KCNH3: variants seen among roughly 807,000 people sequenced by gnomAD.
KCNH3 encodes the protein voltage-gated inwardly rectifying potassium channel KCNH3.
In KCNH3, 36 loss-of-function variants were observed where a neutral mutation model predicts 95.6. The observed-to-expected ratio is 0.38, with a 90% CI of 0.29 to 0.50. KCNH3 has a LOEUF of 0.50. Among genes scored for constraint, KCNH3 ranks in the 20% least tolerant of loss-of-function variants. The pLI, the probability that KCNH3 is intolerant of heterozygous loss-of-function variation, is 0.95. For synonymous variants in KCNH3, 620 were observed against 646.3 expected (o/e 0.96, Z 0.62); for missense variants, 1,030 against 1,484.1 (o/e 0.69, Z 5.03).
chr12:49,544,173 A>C lies in KCNH3; in HGVS notation c.982-2A>C, dbSNP rs1592500060. 6.7e-7 allele frequency: 1 copy of C among 1,495,126 alleles called. No homozygotes were observed. The allele number at this position is 1,495,126 out of a possible 1,614,324, so 92.6% of individuals were successfully genotyped here. A position where few individuals can be genotyped will look rare whatever the true frequency, so the allele number is the denominator to read the frequency against. The stretch of plus-strand genomic sequence containing the variant: ...CTCCCTCCCTCCCTCCCCGCATCTC[A>C]GTACTTCGGGGCCCATCTGCTGAAG... On this transcript the variant is annotated splice_acceptor_variant, in intron 6 of 14. Coordinates refer to ENST00000257981, the MANE Select transcript of KCNH3 (RefSeq NM_012284.3). LOFTEE classifies it high-confidence loss of function.
chr12:49,556,503 T>C (rs748709099), intron 13 of KCNH3, 27 bp downstream of exon 13: 45 of 1,520,448 alleles, frequency 3.0e-5, no homozygotes, highest in Non-Finnish European at 3.9e-5. Flanking sequence ...ATGGTCTAGG[T>C]TGGTGGGGCA....
chr12:49,547,018 C>T, intron 7 of KCNH3, among the ~76,000 whole-genome samples: 1 of 148,362 alleles, frequency 6.7e-6, no homozygotes, highest in Admixed American at 6.6e-5. Context: ...CCTCAGTCTC[C>T]CGAGTAGCTG....
chr12:49,556,600 AC>A (rs1231196595), intron 13 of KCNH3, 124 bp downstream of exon 13: 1 of 750,550 alleles, frequency 1.3e-6, no homozygotes, highest in Non-Finnish European at 2.4e-6. Flanking sequence ...AGGCCGTCTC[AC>A]CCCACTACCC....
rs1466146754 is a variant in KCNH3 at position 49,544,838 on chromosome 12, TC to T, written c.1189+460del. On this transcript the variant is annotated intron_variant, in intron 7 of 14. Transcript: ENST00000257981. ...TTCTGTCATCTCTAGTCCACATTTCTCCCCGCTGCATCCTGCTCTCCCCTGG... is the reference window on the plus strand; with the variant it reads ...TTCTGTCATCTCTAGTCCACATTTCTCCCGCTGCATCCTGCTCTCCCCTGG... 1.3e-5 allele frequency among the ~76,000 whole-genome samples: 2 copies of T among 151,800 alleles called. 1 individual carries two copies. Among genetic ancestry groups the T allele is most frequent in the Middle Eastern group, 6.3e-3 (2 of 316 alleles).
chr12:49,544,468 C>A, intron 7 of KCNH3, 86 bp downstream of exon 7: 1 of 1,343,414 alleles, frequency 7.4e-7, no homozygotes, highest in Non-Finnish European at 1.0e-6. Context: ...TGTGTGGTGT[C>A]CCTACCTGTG....
At chr12:49,547,724 G>A (rs1041321582) in intron 7 of KCNH3, among the ~76,000 whole-genome samples, 11 of 152,294 alleles carry the variant, frequency 7.2e-5, no homozygotes, top group Non-Finnish European at 1.2e-4. Context: ...GGGAGAGTCT[G>A]GAGTAGGGGG....
chr12:49,543,211 T>C, intron 4 of KCNH3, 64 bp from the exon 5 acceptor site: 1 of 1,558,208 alleles, frequency 6.4e-7, no homozygotes, highest in South Asian at 1.2e-5. Context: ...TCCCAGACTC[T>C]ATCCAAACTC....
At chr12:49,550,900 C>T (rs1400343898) in intron 10 of KCNH3, among the ~76,000 whole-genome samples, 1 of 152,200 alleles carries the variant, frequency 6.6e-6, no homozygotes, top group Non-Finnish European at 1.5e-5. Context: ...GTTCCCTAGA[C>T]GCAGATGAAG....
Position 49,557,732 on chromosome 12 carries a change from G to A in KCNH3, c.3031G>A (p.Glu1011Lys). ...EPPASGDLCS[E>K]PSTPASPPPS... is the part of the protein sequence containing the mutation. ...CCCTGCCTCAGGAGACCTCTGCTCT[G>A]AGCCCAGCACCCCTGCCTCCCCTCC... Residue 1011 changes from glutamate to lysine, a missense_variant, in exon 15 of 15, where the codon GAG becomes AAG. Around this residue, in one of 9 missense-constraint regions of KCNH3, gnomAD observed 464 missense variants for 493.2 expected, o/e 0.94. Transcript: ENST00000257981. 6.2e-7 allele frequency: 1 copy of A among 1,613,666 alleles called. No homozygotes were observed. The highest frequency in any genetic ancestry group is 8.5e-7 in the Non-Finnish European group (1 of 1,179,940).
At chr12:49,556,156 T>C (rs966939474) in intron 12 of KCNH3, 3 of 597,836 alleles carry the variant, frequency 5.0e-6, no homozygotes, top group Non-Finnish European at 9.0e-6. Context: ...CACACGCTGC[T>C]CTGAACTCTT....
At chr12:49,551,574 CAAAAAAAA>C (rs59344956) in intron 10 of KCNH3, among the ~76,000 whole-genome samples, 2,079 of 57,642 alleles carry the variant, frequency 0.036, 50 homozygotes, top group African/African-American at 0.1. Flanking sequence ...GACTCTGTCT[CAAAAAAAA>C]AAAAAAAAAA....
chr12:49,556,680 C>T (rs1322099868), intron 13 of KCNH3: 1 of 699,368 alleles, frequency 1.4e-6, no homozygotes, highest in Admixed American at 2.0e-5. Flanking sequence ...CAGCCAGGAA[C>T]TGGGTTTATA....
intron 10 of KCNH3, 89 bp downstream of exon 10, chr12:49,550,418 C>A: frequency 6.8e-7 from 1 of 1,465,960 alleles, no homozygotes; most frequent in Non-Finnish European, 9.1e-7. Context: ...GGGACCTCCA[C>A]AAGGCCACTG....
chr12:49,554,404 G>A lies in KCNH3; in HGVS notation c.1986G>A (p.Val662=), dbSNP rs757717889. 1 of 1,613,130 alleles carries A rather than the reference G, an allele frequency of 6.2e-7. No homozygotes were observed. The highest frequency in any genetic ancestry group is 1.3e-5 in the African/African-American group (1 of 74,954). ...REQVVKANAD[V]KGLTYCVLQC... is the part of the protein sequence containing the mutation. ...AGGTGGTAAAGGCCAATGCCGACGT[G>A]AAGGGGCTGACGTACTGCGTCCTGC... The change falls in exon 11 of 15, where the codon GTG becomes GTA. Residue 662 remains valine, a synonymous_variant. Transcript: ENST00000257981.
Position 49,550,261 on chromosome 12 carries a change from A to T in KCNH3, c.1850A>T (p.Gln617Leu). 1 of 1,610,346 alleles carries T rather than the reference A, an allele frequency of 6.2e-7. No individual in the cohort carries two copies. Among genetic ancestry groups the T allele is most frequent in the African/African-American group, 1.3e-5 (1 of 75,084 alleles). The change falls in exon 10 of 15, where the codon CAG becomes CTG. Residue 617 changes from glutamine (Q) to leucine (L), a missense_variant. By Grantham distance (113) the Gln-to-Leu change is moderately radical (BLOSUM62 -2). This residue lies in a region of KCNH3 where 160 missense variants were observed against 316.2 expected (regional missense o/e 0.51). Coordinates refer to ENST00000257981, the MANE Select transcript of KCNH3 (RefSeq NM_012284.3). ...CTCATCCACCAAGGCGATGCCCTGC[A>T]GGCCCTCTACTTTGTCTGCTCTGGC... The part of the protein sequence containing the change: ...EYLIHQGDAL[Q>L]ALYFVCSGSM...
At chr12:49,545,961 A>C (rs1938047865) in intron 7 of KCNH3, among the ~76,000 whole-genome samples, 1 of 152,026 alleles carries the variant, frequency 6.6e-6, no homozygotes, top group Non-Finnish European at 1.5e-5. Flanking sequence ...CTGTGGTGTC[A>C]GCTGCTCTGG....
In KCNH3 at chr12:49,548,990, T is replaced by TGCA. The variant is rs756531305; in HGVS notation, c.1297_1299dup (p.Ser433dup). 15 of 1,610,902 alleles carry TGCA rather than the reference T, an allele frequency of 9.3e-6. No homozygotes were observed. Among genetic ancestry groups the TGCA allele is most frequent in the Non-Finnish European group, 1.2e-5 (14 of 1,179,228 alleles). On this transcript the variant is annotated inframe_insertion, in exon 8 of 15. Transcript: ENST00000257981. Reference sequence around the variant, plus strand: ...GAACAGCTCCGGCCAGAGTGACAACTGCAGCAGCAGCAGCGAGGCCAACGG... The same window carrying TGCA: ...GAACAGCTCCGGCCAGAGTGACAACTGCAGCAGCAGCAGCAGCGAGGCCAACGG...
intron 10 of KCNH3, among the ~76,000 whole-genome samples, chr12:49,553,335 C>T (rs1768369468): frequency 6.6e-6 from 1 of 152,122 alleles, no homozygotes; most frequent in Non-Finnish European, 1.5e-5. Context: ...TTGTTTGAGA[C>T]AGGGTTTTGC....
intron 10 of KCNH3, among the ~76,000 whole-genome samples, chr12:49,550,967 G>A (rs570737981): frequency 4.6e-5 from 7 of 152,366 alleles, no homozygotes; most frequent in South Asian, 2.1e-4. Context: ...GGCTCACAGC[G>A]TGACTAGCCC....
Sources: allele counts gnomAD v4.1 joint callset (sites outside exome capture counted in the v4.1 genomes callset), GRCh38; gene constraint gnomAD v4.1.1; regional missense constraint gnomAD v4.1.1; transcripts MANE v1.5; gene names NCBI Gene and HGNC (gene_info 2026-07-23, HGNC 2026-07-21).